Variants in HOXB3 observed in about 807,000 individuals in gnomAD.
HOXB3 encodes homeobox protein Hox-B3.
A neutral mutation model predicts 29.2 loss-of-function variants in HOXB3; 17 were observed. The observed-to-expected ratio is 0.58, with a 90% confidence interval of 0.40 to 0.87. HOXB3 has a LOEUF of 0.87. HOXB3 is among the 40% of genes least tolerant of loss of function. The pLI is 0.00. For synonymous variants in HOXB3, 317 were observed against 285.9 expected, an observed-to-expected ratio of 1.11 and a Z score of -1.10; for missense variants, 637 against 616.3, an observed-to-expected ratio of 1.03 and a Z score of -0.35.
At chr17:48,556,087 G>A (rs1294677148) in intron 2 of HOXB3, among the ~76,000 whole-genome samples, 2 of 151,778 alleles carry the variant, frequency 1.3e-5, no homozygotes, top group Non-Finnish European at 2.9e-5. Context: ...TGGGGAAGGG[G>A]GGAAATTTTA....
At chr17:48,578,336 C>T (rs1346620842) in intron 1 of HOXB3, 2 of 1,600,302 alleles carry the variant, frequency 1.2e-6, no homozygotes, top group Non-Finnish European at 1.7e-6. Context: ...CTGGGAATTG[C>T]CCACAAAATA....
At chr17:48,576,767 G>A (rs754933999) in intron 1 of HOXB3, 39 of 1,583,328 alleles carry the variant, frequency 2.5e-5, no homozygotes, top group African/African-American at 9.5e-5. Context: ...GGGGCCCTCC[G>A]GCTGAGCCTG....
rs1331013222 is a variant in HOXB3 at position 48,551,111 on chromosome 17, GCCGCCA to G, written c.513_518del (p.Gly177_Gly178del). ...GGCTCTTGTCCCCTCCCCCGCCGCC[GCCGCCA>G]CCGCCCCCGCTGCCACCACTGCCTC... is the stretch of plus-strand genomic sequence containing the variant. On this transcript the variant is annotated inframe_deletion, in exon 5 of 5. Coordinates refer to ENST00000498678, the MANE Select transcript of HOXB3 (RefSeq NM_001384749.1). 2 of 1,352,792 alleles carry G rather than the reference GCCGCCA, an allele frequency of 1.5e-6. No individual in the cohort carries two copies. Among genetic ancestry groups the G allele is most frequent in the African/African-American group, 3.1e-5 (2 of 64,890 alleles). 83.8% of individuals were successfully genotyped at this position (1,352,792 alleles called of 1,614,324 possible). A position where few individuals can be genotyped will look rare whatever the true frequency, so the allele number is the denominator to read the frequency against.
intron 3 of HOXB3, 158 bp downstream of exon 3, chr17:48,555,363 AGGGAGGGAGG>A (rs1257028769): frequency 9.4e-5 from 47 of 498,274 alleles, no homozygotes; most frequent in African/African-American, 3.4e-4. Context: ...AGAGAGAGAG[AGGGAGGGAGG>A]GAGGGAGGGA....
intron 1 of HOXB3, among the ~76,000 whole-genome samples, chr17:48,589,842 C>T (rs1471488442): frequency 1.3e-5 from 2 of 152,136 alleles, no homozygotes. Context: ...TTCCTGGTCC[C>T]TAAATTTCCG....
chr17:48,580,392 T>C (rs2069908585), intron 1 of HOXB3: 1 of 150,706 alleles, frequency 6.6e-6, no homozygotes, highest in Non-Finnish European at 1.5e-5. Context: ...CTTTAGTTTG[T>C]GATCAAACGA....
At chr17:48,572,349 C>T (rs944077300) in intron 2 of HOXB3, among the ~76,000 whole-genome samples, 22 of 152,136 alleles carry the variant, frequency 1.4e-4, no homozygotes, top group African/African-American at 4.8e-4. Context: ...AAATGAACTT[C>T]AGAAAATGGG....
chr17:48,570,571 A>G (rs916217347), intron 2 of HOXB3, among the ~76,000 whole-genome samples: 3 of 152,194 alleles, frequency 2.0e-5, no homozygotes, highest in African/African-American at 4.8e-5. Flanking sequence ...GGTCTAAACC[A>G]AAAGCAACTC....
At chr17:48,573,755 C>G in intron 2 of HOXB3, 82 bp downstream of exon 2, 1 of 662,000 alleles carries the variant, frequency 1.5e-6, no homozygotes, top group Non-Finnish European at 2.7e-6. Flanking sequence ...AAGGAAGAGG[C>G]GAGAGAGTGT....
intron 2 of HOXB3, among the ~76,000 whole-genome samples, chr17:48,565,431 T>C (rs997137631): frequency 6.6e-6 from 1 of 152,246 alleles, no homozygotes. Flanking sequence ...CTGGAGGGGC[T>C]TCCCTCTGTG....
chr17:48,569,672 G>A (rs975287802), intron 2 of HOXB3, among the ~76,000 whole-genome samples: 8 of 152,124 alleles, frequency 5.3e-5, no homozygotes, highest in African/African-American at 1.9e-4. Context: ...CCTAAATAAT[G>A]GACAAAATTT....
chr17:48,576,565 C>A, intron 1 of HOXB3: 6 of 562,358 alleles, frequency 1.1e-5, no homozygotes, highest in Non-Finnish European at 2.9e-6. Context: ...GCTTCCCCTC[C>A]CCCTCTTCTG....
chr17:48,576,661 C>CA, intron 1 of HOXB3: 4 of 918,212 alleles, frequency 4.4e-6, no homozygotes, highest in Non-Finnish European at 6.0e-6. Flanking sequence ...CCCCCCACCC[C>CA]ATCCCCTGCA....
intron 1 of HOXB3, chr17:48,578,820 C>G (rs1017358357): frequency 6.4e-6 from 1 of 155,926 alleles, no homozygotes; most frequent in Non-Finnish European, 1.4e-5. Context: ...GGAGGGAGCG[C>G]TAGCACCCTG....
intron 2 of HOXB3, 72 bp from the exon 3 acceptor site, chr17:48,555,690 AAAG>A: frequency 2.3e-6 from 1 of 437,972 alleles, no homozygotes; most frequent in African/African-American, 3.3e-5. Context: ...CCCGCCCCGC[AAAG>A]CCACCCCGGC....
intron 1 of HOXB3, among the ~76,000 whole-genome samples, chr17:48,587,203 C>A (rs745445334): frequency 1.3e-5 from 2 of 152,146 alleles, no homozygotes; most frequent in Non-Finnish European, 2.9e-5. Flanking sequence ...ATCCATTCTG[C>A]TTAAGGGGCC....
chr17:48,572,877 C>T (rs1256009574), intron 2 of HOXB3, among the ~76,000 whole-genome samples: 1 of 152,096 alleles, frequency 6.6e-6, no homozygotes, highest in Non-Finnish European at 1.5e-5. Context: ...ACACAATGTC[C>T]AGTCTCAGCG....
rs769951009 is a variant in HOXB3 at position 48,552,096 on chromosome 17, T to C, written c.379A>G (p.Lys127Glu). 6.2e-7 allele frequency: 1 copy of C among 1,611,856 alleles called. No homozygotes were observed. Among genetic ancestry groups the C allele is most frequent in the Non-Finnish European group, 8.5e-7 (1 of 1,178,538 alleles). Residue 127 changes from lysine to glutamate, a missense_variant, in exon 4 of 5, where the codon AAA (lysine) becomes GAA (glutamate). Transcript: ENST00000498678. ...TCTTTCATCCAGGGGAATATCTGTT[T>C]GGTGAGGGTGGAGTTGGTGCCGGGA... ...CGPGTNSTLTKQIFPWMKESR... is the reference protein window; with the variant it reads ...CGPGTNSTLTEQIFPWMKESR...
rs151227265 is a variant in HOXB3 at position 48,577,780 on chromosome 17, A to ACCCC, written c.-424-3770_-424-3767dup. 9 of 1,166,144 alleles carry ACCCC rather than the reference A, an allele frequency of 7.7e-6. No individual in the cohort carries two copies. The African/African-American group carries it at 1.3e-4, about 17-fold the overall frequency. The allele number at this position is 1,166,144 out of a possible 1,614,324, so 72.2% of individuals were successfully genotyped here. A position where few individuals can be genotyped will look rare whatever the true frequency, so the allele number is the denominator to read the frequency against. On this transcript the variant is annotated intron_variant, in intron 1 of 4. Transcript: ENST00000498678. ...GGGGACAATTGGCTTCCCCAGCTCA[A>ACCCC]CCCCCCCCCAACCCATGCCTCCGAA... is the stretch of plus-strand genomic sequence containing the variant.
Sources: gnomAD v4.1 joint callset for allele counts (sites outside exome capture counted in the v4.1 genomes callset) on GRCh38, gnomAD v4.1.1 for gene constraint, MANE v1.5 for transcripts, NCBI Gene and HGNC (gene_info 2026-07-23, HGNC 2026-07-21) for gene names.